The following ZZEF1 variants were observed in gnomAD, a reference collection of about 807,000 sequenced individuals.
ZZEF1 encodes the protein zinc finger ZZ-type and EF-hand domain-containing protein 1.
In ZZEF1, 157 loss-of-function variants were observed where a neutral mutation model predicts 342.8. The observed-to-expected ratio is 0.46, with a 90% CI of 0.40 to 0.52. The LOEUF is 0.52. ZZEF1 is among the 20% of genes least tolerant of loss of function. ZZEF1 has a pLI of 0.00. For missense variants in ZZEF1, 3,480 were observed against 3,725.6 expected (o/e 0.93, Z 1.72); for synonymous variants, 1,505 against 1,429.1 (o/e 1.05, Z -1.20).
chr17:4,051,189 G>T, intron 35 of ZZEF1, 146 bp from the exon 36 acceptor site: 1 of 1,030,780 alleles, frequency 9.7e-7, no homozygotes, highest in Non-Finnish European at 1.4e-6. Context: ...GTAAAGAAAG[G>T]TGTGGGCCCT....
At chr17:4,064,006 G>C (rs1168633312) in intron 29 of ZZEF1, among the ~76,000 whole-genome samples, 1 of 151,912 alleles carries the variant, frequency 6.6e-6, no homozygotes, top group Non-Finnish European at 1.5e-5. Flanking sequence ...GGGATTACAG[G>C]CGTGAGCCAC....
chr17:4,028,302 A>G (rs1208718196), intron 42 of ZZEF1, among the ~76,000 whole-genome samples: 1 of 152,176 alleles, frequency 6.6e-6, no homozygotes, highest in Non-Finnish European at 1.5e-5. Flanking sequence ...TAATCCCAGC[A>G]ATTTGGGAGG....
chr17:4,062,931 G>A lies in ZZEF1; in HGVS notation c.4719-14C>T. On this transcript the variant is annotated splice_polypyrimidine_tract_variant and intron_variant, in intron 29 of 54. Transcript: ENST00000381638. Reference sequence around the variant, plus strand: ...ACCTTCACAACACTGGAGACACAATGCAAGTCAGGAACACCCAGAAAACTC... The same window carrying A: ...ACCTTCACAACACTGGAGACACAATACAAGTCAGGAACACCCAGAAAACTC... The A allele has an allele frequency of 6.3e-7, 1 of 1,596,518 alleles. No individual in the cohort carries two copies. Among genetic ancestry groups the A allele is most frequent in the Non-Finnish European group, 8.5e-7 (1 of 1,170,014 alleles).
Position 4,064,764 on chromosome 17 carries a change from C to T in ZZEF1, c.4315G>A (p.Glu1439Lys), listed in dbSNP as rs371333476. 1 of 1,610,850 alleles carries T rather than the reference C, an allele frequency of 6.2e-7. No homozygotes were observed. Among genetic ancestry groups the T allele is most frequent in the Middle Eastern group, 1.7e-4 (1 of 6,058 alleles). ...GCAGTCTCCAACTTTTCGCAGCTTTCTTTTGAACTTATGCCCGTGGGCAGA... is the reference window on the plus strand; with the variant it reads ...GCAGTCTCCAACTTTTCGCAGCTTTTTTTTGAACTTATGCCCGTGGGCAGA... The part of the protein sequence containing the change: ...KFLPTGISSK[E>K]SCEKLETADE... The change falls in exon 29 of 55, where the codon GAA (glutamate) becomes AAA (lysine). Residue 1439 changes from glutamate (E) to lysine (K), a missense_variant. Coordinates refer to ENST00000381638, the MANE Select transcript of ZZEF1 (RefSeq NM_015113.4).
Position 4,008,801 on chromosome 17 carries a change from G to A in ZZEF1, c.8805+82C>T. The A allele has an allele frequency of 6.5e-7, 1 of 1,528,238 alleles. No individual in the cohort carries two copies. The highest frequency in any genetic ancestry group is 2.5e-5 in the East Asian group (1 of 40,698). The allele number at this position is 1,528,238 out of a possible 1,614,324, so 94.7% of individuals were successfully genotyped here. On this transcript the variant is annotated intron_variant, in intron 54 of 54. Transcript: ENST00000381638. The surrounding 1 kb of genome is among the most constrained non-coding windows in gnomAD (Gnocchi z 4.2). ...GGATTCTGTCCTACTCAGACGCAAT[G>A]TACAGACCTTCTCTGCCCTGGCAAT... is the stretch of plus-strand genomic sequence containing the variant.
At chr17:4,117,284 G>C (rs1162715718) in intron 2 of ZZEF1, 118 bp from the exon 3 acceptor site, 8 of 727,792 alleles carry the variant, frequency 1.1e-5, no homozygotes, top group Non-Finnish European at 1.8e-5. Flanking sequence ...AATCTTCATT[G>C]ATATTTTCAG....
At chr17:4,032,103 A>G in intron 42 of ZZEF1, 23 bp downstream of exon 42, 3 of 1,600,304 alleles carry the variant, frequency 1.9e-6, no homozygotes, top group South Asian at 2.3e-5. Flanking sequence ...CCATTCTTAG[A>G]AAAAAATAAT....
chr17:4,072,311 A>T (rs1431841868), intron 25 of ZZEF1, among the ~76,000 whole-genome samples: 1 of 152,268 alleles, frequency 6.6e-6, no homozygotes, highest in Non-Finnish European at 1.5e-5. Flanking sequence ...AGCTTGACTC[A>T]GTAGGCACTA....
chr17:4,134,947 T>C (rs964793145), intron 1 of ZZEF1, among the ~76,000 whole-genome samples: 1 of 152,058 alleles, frequency 6.6e-6, no homozygotes, highest in African/African-American at 2.4e-5. Context: ...ATAAAGACTG[T>C]ATGGCAGATA....
At chr17:4,112,078 A>G (rs1166811481) in intron 5 of ZZEF1, among the ~76,000 whole-genome samples, 1 of 46,072 alleles carries the variant, frequency 2.2e-5, no homozygotes, top group African/African-American at 1.2e-4. Context: ...ATATATATAT[A>G]TATATATATA....
At chr17:4,046,962 G>A (rs2056927245) in intron 37 of ZZEF1, among the ~76,000 whole-genome samples, 1 of 152,134 alleles carries the variant, frequency 6.6e-6, no homozygotes, top group African/African-American at 2.4e-5. Flanking sequence ...CTGTCCTAGG[G>A]GCCCCAATGG....
intron 11 of ZZEF1, among the ~76,000 whole-genome samples, chr17:4,093,024 G>C (rs2057972982): frequency 6.6e-6 from 1 of 151,976 alleles, no homozygotes; most frequent in Admixed American, 6.6e-5. Context: ...AAACTGGAGA[G>C]GGACTGGTGA....
Position 4,064,369 on chromosome 17 carries a change from C to T in ZZEF1, c.4710G>A (p.Ser1570=), listed in dbSNP as rs755431522. 19 of 1,583,798 alleles carry T rather than the reference C, an allele frequency of 1.2e-5. No individual in the cohort carries two copies. Among genetic ancestry groups the T allele is most frequent in the Non-Finnish European group, 1.6e-5 (18 of 1,159,720 alleles). The change falls in exon 29 of 55, where the codon TCG becomes TCA. Residue 1570 remains serine, a synonymous_variant. Coordinates refer to ENST00000381638, the MANE Select transcript of ZZEF1 (RefSeq NM_015113.4). ...GGTAACAACGGGCTTACCTCCTGTG[C>T]GAGAGCGACTGATCCTTAATGAAGT... ...VMDFIKDQSL[S]HRSVVKVLSL... is the part of the protein sequence containing the mutation.
At chr17:4,140,910 CTTT>C (rs34876417) in intron 1 of ZZEF1, among the ~76,000 whole-genome samples, 13 of 141,608 alleles carry the variant, frequency 9.2e-5, no homozygotes, top group Admixed American at 1.4e-4. Flanking sequence ...ACTAATATGA[CTTT>C]TTTTTTTTTT....
intron 2 of ZZEF1, among the ~76,000 whole-genome samples, chr17:4,120,999 C>A (rs539700747): frequency 1.3e-4 from 20 of 152,300 alleles, no homozygotes; most frequent in African/African-American, 4.8e-4. Context: ...ATTCCCACCA[C>A]CAAAGCAACT....
intron 7 of ZZEF1, 113 bp from the exon 8 acceptor site, chr17:4,104,924 T>C (rs1005060158): frequency 2.3e-6 from 2 of 860,224 alleles, no homozygotes. Context: ...ATATGCTTTC[T>C]ACAGGTTTAT....
At chr17:4,112,471 TAATG>T (rs1213409302) in intron 5 of ZZEF1, 134 bp downstream of exon 5, 6 of 915,708 alleles carry the variant, frequency 6.6e-6, no homozygotes, top group Non-Finnish European at 1.0e-5. Flanking sequence ...CTACAACACT[TAATG>T]AATGAAATAA....
At chr17:4,012,581 A>G (rs2055992133) in intron 52 of ZZEF1, among the ~76,000 whole-genome samples, 1 of 152,220 alleles carries the variant, frequency 6.6e-6, no homozygotes, top group Non-Finnish European at 1.5e-5. Context: ...TGGCGCAGTC[A>G]CTACCACCTT....
At position 4,064,778 on chromosome 17, in the gene ZZEF1, C is replaced by A. The variant is rs751595594; in HGVS notation, c.4301G>T (p.Gly1434Val). The A allele has an allele frequency of 6.2e-7, 1 of 1,610,800 alleles. No homozygotes were observed. Reference protein sequence around the residue: ...SLLLLKFLPTGISSKESCEKL... With the variant: ...SLLLLKFLPTVISSKESCEKL... ...TTCGCAGCTTTCTTTTGAACTTATG[C>A]CCGTGGGCAGAAATTTTAGTAATAG... The change falls in exon 29 of 55, where the codon GGC becomes GTC. Residue 1434 changes from glycine (G) to valine (V), a missense_variant. Physicochemically the swap from Gly to Val is moderately radical, Grantham distance 109. Around this residue, in one of 5 missense-constraint regions of ZZEF1, gnomAD observed 1,528 missense variants for 1,624.1 expected, o/e 0.94. Transcript: ENST00000381638.
Sources: allele counts gnomAD v4.1 joint callset (sites outside exome capture counted in the v4.1 genomes callset), GRCh38; gene constraint gnomAD v4.1.1; regional missense constraint gnomAD v4.1.1; non-coding constraint Gnocchi (gnomAD v3.1); transcripts MANE v1.5; gene names NCBI Gene and HGNC (gene_info 2026-07-23, HGNC 2026-07-21).